Variants in KITLG observed in about 807,000 individuals in gnomAD.
The protein encoded by KITLG is KIT ligand, also known as c-Kit ligand.
Under a neutral mutation model 34.1 loss-of-function variants are expected in KITLG, and 13 were observed. The observed-to-expected ratio is 0.38, with a 90% CI of 0.25 to 0.61. The LOEUF is 0.61. Ranked by LOEUF, KITLG falls within the 20% of genes least tolerant of loss-of-function variation. KITLG has a pLI of 0.60. For missense variants in KITLG, 292 were observed against 318.9 expected (o/e 0.92, Z 0.64); for synonymous variants, 110 against 104.0 (o/e 1.06, Z -0.35).
At chr12:88,571,864 C>G (rs1294371274) in intron 1 of KITLG, among the ~76,000 whole-genome samples, 4 of 152,152 alleles carry the variant, frequency 2.6e-5, no homozygotes, top group Non-Finnish European at 5.9e-5. Context: ...TTAATGCCAG[C>G]TGAGTCTCTT....
intron 6 of KITLG, among the ~76,000 whole-genome samples, chr12:88,510,495 T>C (rs1869236270): frequency 6.6e-6 from 1 of 152,202 alleles, no homozygotes; most frequent in South Asian, 2.1e-4. Flanking sequence ...TTAACTTGAC[T>C]GGTATATGAG....
chr12:88,502,909 A>AG (rs1337925031), intron 9 of KITLG, among the ~76,000 whole-genome samples: 3 of 151,580 alleles, frequency 2.0e-5, no homozygotes, highest in Admixed American at 6.6e-5. Flanking sequence ...AAAGGAAGGA[A>AG]AAAAAAAAGA....
intron 1 of KITLG, among the ~76,000 whole-genome samples, chr12:88,576,900 AT>A (rs1871847468): frequency 6.6e-6 from 1 of 152,098 alleles, no homozygotes. Context: ...TAAAAAAAAA[AT>A]GTGACCCAGA....
chr12:88,528,072 A>T (rs1869945354), intron 3 of KITLG, among the ~76,000 whole-genome samples: 1 of 152,230 alleles, frequency 6.6e-6, no homozygotes, highest in Non-Finnish European at 1.5e-5. Flanking sequence ...AGTTTAAAAT[A>T]GGTCTGAATA....
intron 1 of KITLG, among the ~76,000 whole-genome samples, chr12:88,560,068 C>G (rs915468430): frequency 2.0e-5 from 3 of 152,190 alleles, no homozygotes; most frequent in Admixed American, 2.0e-4. Flanking sequence ...TAATCCAGAG[C>G]AAATTATGTA....
At chr12:88,532,717 T>C (rs1870145222) in intron 2 of KITLG, among the ~76,000 whole-genome samples, 1 of 152,194 alleles carries the variant, frequency 6.6e-6, no homozygotes, top group Admixed American at 6.5e-5. Flanking sequence ...ACAGATCTTT[T>C]AGACTCCAAA....
chr12:88,493,355 C>T lies in KITLG; in HGVS notation c.*3864G>A, dbSNP rs1868479533. 6.6e-6 allele frequency: 1 copy of T among 151,874 alleles called. No individual in the cohort carries two copies. The highest frequency in any genetic ancestry group is 6.6e-5 in the Admixed American group (1 of 15,180). 9.4% of individuals were successfully genotyped at this position (151,874 alleles called of 1,614,324 possible). The stretch of plus-strand genomic sequence containing the variant: ...TCAGGATCACAAATATCCATTTTAG[C>T]ATGGATTATTTCTTGAAAAAAACAC... On this transcript the variant is annotated 3_prime_UTR_variant, in exon 10 of 10. Transcript: ENST00000644744.
chr12:88,533,341 T>C (rs1468010872), intron 2 of KITLG, among the ~76,000 whole-genome samples: 1 of 152,182 alleles, frequency 6.6e-6, no homozygotes, highest in African/African-American at 2.4e-5. Flanking sequence ...AAGATCAAGA[T>C]ACCTATGTCA....
At chr12:88,531,377 A>T (rs577711600) in intron 3 of KITLG, among the ~76,000 whole-genome samples, 1 of 152,320 alleles carries the variant, frequency 6.6e-6, no homozygotes, top group East Asian at 1.9e-4. Context: ...TACATAGGGC[A>T]TTAGTTACAT....
intron 3 of KITLG, among the ~76,000 whole-genome samples, chr12:88,522,602 T>G (rs1592845194): frequency 6.6e-6 from 1 of 151,900 alleles, no homozygotes; most frequent in Non-Finnish European, 1.5e-5. Context: ...TAACTTTTGT[T>G]TTTTTAGTAG....
At chr12:88,508,839 C>T (rs985046493) in intron 6 of KITLG, among the ~76,000 whole-genome samples, 1 of 152,106 alleles carries the variant, frequency 6.6e-6, no homozygotes, top group Non-Finnish European at 1.5e-5. Context: ...ACTATCATTA[C>T]AATAACAGAG....
chr12:88,527,900 C>T (rs1034967669), intron 3 of KITLG, among the ~76,000 whole-genome samples: 1 of 152,060 alleles, frequency 6.6e-6, no homozygotes, highest in Admixed American at 6.6e-5. Context: ...CTGTCTCATT[C>T]AAAAATGTCA....
chr12:88,559,225 A>T (rs762559627), intron 1 of KITLG, among the ~76,000 whole-genome samples: 17 of 152,180 alleles, frequency 1.1e-4, no homozygotes, highest in Non-Finnish European at 2.5e-4. Context: ...ACGCCCTTTA[A>T]GTTATCCAGG....
chr12:88,530,329 A>G (rs757621410), intron 3 of KITLG, among the ~76,000 whole-genome samples: 25 of 152,282 alleles, frequency 1.6e-4, no homozygotes, highest in Non-Finnish European at 2.9e-4. Flanking sequence ...CTAATTGTAT[A>G]GCCTTGGGCA....
intron 3 of KITLG, among the ~76,000 whole-genome samples, chr12:88,531,301 T>C (rs1038268668): frequency 6.6e-6 from 1 of 152,138 alleles, no homozygotes; most frequent in African/African-American, 2.4e-5. Flanking sequence ...AATGAAAAAG[T>C]CCAGCTCAGA....
rs184518511 is a variant in KITLG, at chr12:88,492,911, T to C, written c.*4308A>G. 7.7e-4 allele frequency: 117 copies of C among 152,468 alleles called. 1 individual carries two copies. The highest frequency in any genetic ancestry group is 7.4e-5 in the Non-Finnish European group (5 of 67,892). The allele number at this position is 152,468 out of a possible 1,614,324, so 9.4% of individuals were successfully genotyped here. A position where few individuals can be genotyped will look rare whatever the true frequency, so the allele number is the denominator to read the frequency against. ...ATACACCTATTTTAAAAAGTACACA[T>C]ACAGTATATACACATACACATCACA... On this transcript the variant is annotated 3_prime_UTR_variant, in exon 10 of 10. Transcript: ENST00000644744.
chr12:88,514,578 C>T (rs1427606609), intron 6 of KITLG, among the ~76,000 whole-genome samples: 5 of 151,622 alleles, frequency 3.3e-5, no homozygotes, highest in Non-Finnish European at 7.4e-5. Flanking sequence ...TAATCAAATA[C>T]ATTAATATTT....
chr12:88,559,549 C>T (rs3782179), intron 1 of KITLG, among the ~76,000 whole-genome samples: 100,114 of 151,984 alleles, frequency 0.66, 36,697 homozygotes, highest in Middle Eastern at 0.86. Context: ...TGAAGTATAT[C>T]CCAGGTTTCA....
chr12:88,524,499 T>A (rs1043012619), intron 3 of KITLG, among the ~76,000 whole-genome samples: 7 of 152,210 alleles, frequency 4.6e-5, no homozygotes, highest in Admixed American at 3.3e-4. Context: ...CCATTAATAA[T>A]TTTTATATTG....
Sources: allele counts gnomAD v4.1 joint callset (sites outside exome capture counted in the v4.1 genomes callset), GRCh38; gene constraint gnomAD v4.1.1; transcripts MANE v1.5; gene names NCBI Gene and HGNC (gene_info 2026-07-23, HGNC 2026-07-21).